KLF17: variants seen among roughly 807,000 people sequenced by gnomAD.
KLF17 encodes KLF transcription factor 17, also known as Krueppel-like factor 17.
A neutral mutation model predicts 34.2 loss-of-function variants in KLF17; 31 were observed. The ratio of observed to expected loss-of-function variants is 0.91; its 90% confidence interval spans 0.68 to 1.22. The LOEUF is 1.22. KLF17 is among the 50% of genes most tolerant of loss of function. KLF17 has a pLI of 0.00. For missense variants in KLF17, 478 were observed against 505.2 expected, an observed-to-expected ratio of 0.95 and a Z score of 0.52; for synonymous variants, 179 against 186.7, an observed-to-expected ratio of 0.96 and a Z score of 0.34.
At chr1:44,097,821 A>G in the KLF17 span, among the ~76,000 whole-genome samples, 1 of 152,182 alleles carries the variant, frequency 6.6e-6, no homozygotes, top group Non-Finnish European at 1.5e-5. Flanking sequence ...AGTTTTTAAC[A>G]TAAAAGGATG....
intron 1 of KLF17, among the ~76,000 whole-genome samples, chr1:44,126,903 T>C (rs2088014229): frequency 6.6e-6 from 1 of 151,946 alleles, no homozygotes; most frequent in African/African-American, 2.4e-5. Context: ...AGCATTATTA[T>C]TATTTATTTT....
At chr1:44,108,177 C>G in the KLF17 span, among the ~76,000 whole-genome samples, 2 of 152,318 alleles carry the variant, frequency 1.3e-5, no homozygotes, top group East Asian at 3.9e-4. Context: ...TGCTGTCTTG[C>G]TTAGAGATTT....
At chr1:44,110,299 T>A in the KLF17 span, 1 of 152,304 alleles carries the variant, frequency 6.6e-6, no homozygotes, top group East Asian at 1.9e-4. Context: ...GAAGTAAAGG[T>A]AGACAGACTA....
chr1:44,070,545 A>G, the KLF17 span, among the ~76,000 whole-genome samples: 1 of 151,504 alleles, frequency 6.6e-6, no homozygotes, highest in African/African-American at 2.4e-5. Flanking sequence ...TTTATGGCTG[A>G]AAATCCATTC....
At chr1:44,104,125 G>A in the KLF17 span, 1 of 1,019,946 alleles carries the variant, frequency 9.8e-7, no homozygotes, top group East Asian at 2.4e-5. Context: ...TCGTCAGTCA[G>A]CCCTTCCAGG....
chr1:44,111,463 G>GTTT, the KLF17 span, among the ~76,000 whole-genome samples: 2,714 of 90,368 alleles, frequency 0.03, 126 homozygotes, highest in African/African-American at 0.078. Context: ...TTTGCAACTT[G>GTTT]TTTTTTTTTT....
intron 1 of KLF17, among the ~76,000 whole-genome samples, chr1:44,126,095 C>T (rs56838833): frequency 0.012 from 1,818 of 152,186 alleles, 72 homozygotes; most frequent in East Asian, 0.075. Context: ...ATGATCTTGG[C>T]TCACTGCAAG....
the KLF17 span, among the ~76,000 whole-genome samples, chr1:44,099,671 G>A: frequency 1.3e-5 from 2 of 150,552 alleles, no homozygotes; most frequent in Non-Finnish European, 3.0e-5. Context: ...AAAATTAGCT[G>A]GGTGTGGTGG....
At chr1:44,099,919 A>G in the KLF17 span, among the ~76,000 whole-genome samples, 8 of 87,708 alleles carry the variant, frequency 9.1e-5, 1 homozygote, top group South Asian at 8.2e-4. Flanking sequence ...GAAAGAAAGA[A>G]AAGAAAGGGA....
chr1:44,059,946 G>A, the KLF17 span, among the ~76,000 whole-genome samples: 1 of 152,020 alleles, frequency 6.6e-6, no homozygotes. Context: ...TGTTCCTTCT[G>A]GAAAACAAGA....
the KLF17 span, among the ~76,000 whole-genome samples, chr1:44,109,653 C>T: frequency 6.6e-5 from 10 of 151,952 alleles, no homozygotes; most frequent in East Asian, 5.8e-4. Context: ...ATCTGTATAC[C>T]GAACACACAG....
chr1:44,055,594 T>C, the KLF17 span, among the ~76,000 whole-genome samples: 263 of 152,204 alleles, frequency 1.7e-3, no homozygotes, highest in African/African-American at 6.1e-3. Context: ...TCAACACAGA[T>C]AAGGAGATGC....
chr1:44,130,682 C>G lies in KLF17; in HGVS notation c.1096C>G (p.Arg366Gly). 1 of 1,613,706 alleles carries G rather than the reference C, an allele frequency of 6.2e-7. No homozygotes were observed. Among genetic ancestry groups the G allele is most frequent in the Admixed American group, 1.7e-5 (1 of 59,904 alleles). The change falls in exon 3 of 4, where the codon CGG becomes GGG. Residue 366 changes from arginine to glycine, a missense_variant. Physicochemically the swap from Arg to Gly is moderately radical, Grantham distance 125. Coordinates refer to ENST00000372299, the MANE Select transcript of KLF17 (RefSeq NM_173484.4). ...DHLKQHQKTH[R>G]PGPSDPQANN... ...TCTCAAGCAACACCAGAAGACTCAT[C>G]GGCCGGGACCCTCAGACCCACAGGC... is the stretch of plus-strand genomic sequence containing the variant.
At chr1:44,118,806 G>T, upstream of KLF17, 1 of 858,528 alleles carries the variant, frequency 1.2e-6, no homozygotes, top group Non-Finnish European at 1.7e-6. Flanking sequence ...TAGGTAAATA[G>T]AAGGTGATTG....
the KLF17 span, among the ~76,000 whole-genome samples, chr1:44,064,264 A>C: frequency 6.6e-6 from 1 of 152,234 alleles, no homozygotes; most frequent in African/African-American, 2.4e-5. Flanking sequence ...CTAAATTCTC[A>C]TAAAAAGATA....
At position 44,129,440 on chromosome 1, in the gene KLF17, A is replaced by C. The variant is rs772010943; in HGVS notation, c.169A>C (p.Ser57Arg). 1 of 1,595,048 alleles carries C rather than the reference A, an allele frequency of 6.3e-7. No individual in the cohort carries two copies. The highest frequency in any genetic ancestry group is 8.5e-7 in the Non-Finnish European group (1 of 1,169,634). Reference sequence around the variant, plus strand: ...CACCTCTTGGAACCAAGGCCTACCAAGCATTCAGCACTTTCCTCACAGCGC... The same window carrying C: ...CACCTCTTGGAACCAAGGCCTACCACGCATTCAGCACTTTCCTCACAGCGC... Reference protein sequence around the residue: ...VHTSWNQGLPSIQHFPHSAEM... With the variant: ...VHTSWNQGLPRIQHFPHSAEM... The change falls in exon 2 of 4, where the codon AGC (serine) becomes CGC (arginine). Residue 57 changes from serine (S) to arginine (R), a missense_variant. Coordinates refer to ENST00000372299, the MANE Select transcript of KLF17 (RefSeq NM_173484.4).
chr1:44,120,432 A>T (rs1412063138), intron 1 of KLF17, among the ~76,000 whole-genome samples: 1 of 152,196 alleles, frequency 6.6e-6, no homozygotes, highest in African/African-American at 2.4e-5. Flanking sequence ...AAGGAGAAAA[A>T]CTTGGAAAGT....
chr1:44,080,414 AT>A, the KLF17 span, among the ~76,000 whole-genome samples: 13 of 150,410 alleles, frequency 8.6e-5, 1 homozygote, highest in South Asian at 1.3e-3. Flanking sequence ...AATTTTTTAT[AT>A]TTTTAGTAGA....
At chr1:44,045,535 C>T in the KLF17 span, among the ~76,000 whole-genome samples, 1 of 152,154 alleles carries the variant, frequency 6.6e-6, no homozygotes, top group African/African-American at 2.4e-5. Context: ...TTAGGTGGCT[C>T]ATCATGACAT....
Sources: gnomAD v4.1 joint callset for allele counts (sites outside exome capture counted in the v4.1 genomes callset) on GRCh38, gnomAD v4.1.1 for gene constraint, MANE v1.5 for transcripts, NCBI Gene and HGNC (gene_info 2026-07-23, HGNC 2026-07-21) for gene names.